Variants in MYLK observed in about 807,000 individuals in gnomAD.
MYLK encodes myosin light chain kinase.
In MYLK, 106 loss-of-function variants were observed where a neutral mutation model predicts 203.4. The ratio of observed to expected loss-of-function variants is 0.52; its 90% CI spans 0.45 to 0.61. The LOEUF (loss-of-function observed/expected upper bound fraction) is 0.61. Ranked by LOEUF, MYLK falls within the 20% of genes least tolerant of loss-of-function variation. The probability of loss-of-function intolerance (pLI) is 0.00; values close to 1 mark genes in which losing one functional copy is unlikely to be tolerated. For synonymous variants in MYLK, 867 were observed against 959.5 expected, an observed-to-expected ratio of 0.90 and a Z score of 1.78; for missense variants, 2,072 against 2,442.3, an observed-to-expected ratio of 0.85 and a Z score of 3.20.
chr3:123,855,220 A>C (rs762249992), intron 2 of MYLK, among the ~76,000 whole-genome samples: 2 of 152,060 alleles, frequency 1.3e-5, no homozygotes, highest in Non-Finnish European at 2.9e-5. Flanking sequence ...TGTAGCTTTT[A>C]TTAAATAATG....
At chr3:123,779,887 T>C (rs1229201699) in intron 4 of MYLK, among the ~76,000 whole-genome samples, 1 of 152,194 alleles carries the variant, frequency 6.6e-6, no homozygotes, top group African/African-American at 2.4e-5. Context: ...TTGATGTGCA[T>C]GTAGAGGGTG....
chr3:123,801,971 A>G (rs1354039785), intron 3 of MYLK, among the ~76,000 whole-genome samples: 1 of 152,218 alleles, frequency 6.6e-6, no homozygotes, highest in Non-Finnish European at 1.5e-5. Flanking sequence ...GTCTAACGGT[A>G]GTTCAACTCC....
chr3:123,837,409 TCTAA>T (rs1441124821), intron 2 of MYLK, among the ~76,000 whole-genome samples: 1 of 151,326 alleles, frequency 6.6e-6, no homozygotes, highest in Non-Finnish European at 1.5e-5. Context: ...CCTTCCTGAT[TCTAA>T]CCAGAGTTTT....
intron 18 of MYLK, 120 bp from the exon 19 acceptor site, chr3:123,692,971 C>T (rs1467618410): frequency 9.5e-6 from 8 of 843,648 alleles, no homozygotes; most frequent in Non-Finnish European, 1.4e-5. Context: ...AAGCCAGAGG[C>T]CTTGTGGGAA....
chr3:123,666,374 G>A (rs766159486), intron 21 of MYLK, 28 bp from the exon 22 acceptor site: 16 of 1,614,094 alleles, frequency 9.9e-6, no homozygotes, highest in African/African-American at 1.3e-5. Context: ...GAAAGTGAGC[G>A]AGGCAGAAGG....
At position 123,739,067 on chromosome 3, in the gene MYLK, A is replaced by G; in HGVS notation, c.423-5T>C. 1.2e-6 allele frequency: 2 copies of G among 1,613,596 alleles called. No individual in the cohort carries two copies. Among genetic ancestry groups the G allele is most frequent in the Non-Finnish European group, 8.5e-7 (1 of 1,179,840 alleles). ...GCTGGAGCTGAAAATCTATCCCTGT[A>G]AGGAAATTGGCAGAGAATCCAGTCC... is the stretch of plus-strand genomic sequence containing the variant. On this transcript the variant is annotated splice_polypyrimidine_tract_variant and splice_region_variant and intron_variant, in intron 6 of 33. Transcript: ENST00000360304.
intron 4 of MYLK, among the ~76,000 whole-genome samples, chr3:123,778,769 T>A (rs1042416106): frequency 6.6e-6 from 1 of 152,152 alleles, no homozygotes; most frequent in African/African-American, 2.4e-5. Context: ...GCCCCTTGAG[T>A]GGCTCATAGA....
intron 13 of MYLK, among the ~76,000 whole-genome samples, chr3:123,717,839 C>CTTTTTTTTTTTTTTTTTTTTTT (rs10574979): frequency 1.1e-5 from 1 of 94,992 alleles, no homozygotes; most frequent in African/African-American, 4.3e-5. Flanking sequence ...TTGAGGGACT[C>CTTTTTTTTTTTTTTTTTTTTTT]TTTTTTTTTT....
chr3:123,643,750 G>C (rs1023886171), intron 27 of MYLK, among the ~76,000 whole-genome samples: 2 of 152,248 alleles, frequency 1.3e-5, no homozygotes, highest in Non-Finnish European at 2.9e-5. Context: ...CCAAACCCTA[G>C]ACCTTGGCTA....
Position 123,666,298 on chromosome 3 carries a change from G to A in MYLK, c.3752C>T (p.Ala1251Val), listed in dbSNP as rs986859519. Residue 1251 changes from alanine (A) to valine (V), a missense_variant, in exon 22 of 34, where the codon GCA becomes GTA. Transcript: ENST00000360304. ...IQFPEDQKVR[A>V]GESVELFGKV... is the part of the protein sequence containing the mutation. Reference sequence around the variant, plus strand: ...GCCAAACAGCTCCACTGACTCTCCTGCGCGTACCTTCTGGTCCTCAGGGAA... The same window carrying A: ...GCCAAACAGCTCCACTGACTCTCCTACGCGTACCTTCTGGTCCTCAGGGAA... The A allele has an allele frequency of 1.2e-5, 19 of 1,614,102 alleles. No individual in the cohort carries two copies. The highest frequency in any genetic ancestry group is 1.5e-5 in the Non-Finnish European group (18 of 1,180,052).
At position 123,832,480 on chromosome 3, in the gene MYLK, G is replaced by C. The variant is rs2066362685; in HGVS notation, c.-126-810C>G. Among the ~76,000 whole-genome samples the C allele has an allele frequency of 2.6e-5, 4 of 152,196 alleles. No homozygotes were observed. The South Asian group carries it at 8.3e-4, about 31-fold the overall frequency. Reference sequence around the variant, plus strand: ...AAAAGGATAGTTTGAAAATCCAAAGGAAATCAAGCCCTCACAATGGCATTT... The same window carrying C: ...AAAAGGATAGTTTGAAAATCCAAAGCAAATCAAGCCCTCACAATGGCATTT... On this transcript the variant is annotated intron_variant, in intron 2 of 33. Transcript: ENST00000360304.
intron 29 of MYLK, among the ~76,000 whole-genome samples, chr3:123,632,686 G>A (rs1356159548): frequency 1.3e-5 from 2 of 152,170 alleles, no homozygotes; most frequent in Non-Finnish European, 2.9e-5. Flanking sequence ...TTGACAAAGA[G>A]GGTGTTTGAA....
chr3:123,620,368 C>T (rs1179734420), intron 31 of MYLK, 32 bp from the exon 32 acceptor site: 9 of 1,613,596 alleles, frequency 5.6e-6, no homozygotes, highest in East Asian at 4.5e-5. Flanking sequence ...TGGACTCAGG[C>T]GTTGTCCCTG....
At chr3:123,794,012 CT>C in intron 3 of MYLK, 168 bp from the exon 4 acceptor site, 1 of 730,104 alleles carries the variant, frequency 1.4e-6, no homozygotes, top group Non-Finnish European at 2.3e-6. Flanking sequence ...GAGGCTCTGT[CT>C]TTTATACACA....
At chr3:123,868,304 T>A (rs1048307411) in intron 2 of MYLK, among the ~76,000 whole-genome samples, 3 of 152,032 alleles carry the variant, frequency 2.0e-5, no homozygotes, top group African/African-American at 7.3e-5. Context: ...TGGAATATAA[T>A]CCAAGGAAAT....
Position 123,700,765 on chromosome 3 carries a change from C to T in MYLK, c.2703G>A (p.Leu901=). 6.2e-7 allele frequency: 1 copy of T among 1,614,226 alleles called. No individual in the cohort carries two copies. The highest frequency in any genetic ancestry group is 8.5e-7 in the Non-Finnish European group (1 of 1,180,044). Residue 901 remains leucine (L), a synonymous_variant, in exon 18 of 34, where the codon CTG becomes CTA. Coordinates refer to ENST00000360304, the MANE Select transcript of MYLK (RefSeq NM_053025.4). ...EVEQLDFRDL[L]GKKVSTKTLS... ...GGGTCTTTGTACTCACCTTCTTCCC[C>T]AGGAGGTCTCGGAAGTCCAGCTGCT...
intron 3 of MYLK, among the ~76,000 whole-genome samples, chr3:123,828,421 A>AC (rs1439386751): frequency 2.4e-4 from 36 of 151,910 alleles, no homozygotes; most frequent in South Asian, 4.2e-4. Flanking sequence ...ATAAGACTAG[A>AC]CCCCCCACCG....
chr3:123,859,796 T>C (rs977322069), intron 2 of MYLK, among the ~76,000 whole-genome samples: 5 of 152,200 alleles, frequency 3.3e-5, no homozygotes, highest in African/African-American at 1.2e-4. Context: ...AGATAGCGTG[T>C]ATTACCCATG....
At chr3:123,653,111 A>G (rs564000805) in intron 24 of MYLK, among the ~76,000 whole-genome samples, 10 of 152,246 alleles carry the variant, frequency 6.6e-5, no homozygotes, top group African/African-American at 2.4e-4. Flanking sequence ...GGTGAAGGTC[A>G]GAGCCAACAT....
Sources: gnomAD v4.1 joint callset for allele counts (sites outside exome capture counted in the v4.1 genomes callset) on GRCh38, gnomAD v4.1.1 for gene constraint, MANE v1.5 for transcripts, NCBI Gene and HGNC (gene_info 2026-07-23, HGNC 2026-07-21) for gene names.